ANGPT4: variants seen among roughly 807,000 people sequenced by gnomAD.
ANGPT4 encodes angiopoietin-4.
ANGPT4 carries 50 observed loss-of-function variants against 53.0 expected under a neutral mutation model. That is an observed-to-expected ratio of 0.94 (90% confidence interval 0.75 to 1.20). ANGPT4 has a LOEUF of 1.20. ANGPT4 is among the 50% of genes most tolerant of loss of function. ANGPT4 has a pLI of 0.00. For missense variants in ANGPT4, 648 were observed against 637.1 expected, an observed-to-expected ratio of 1.02 and a Z score of -0.18; for synonymous variants, 251 against 259.7, an observed-to-expected ratio of 0.97 and a Z score of 0.32.
chr20:907,348 A>T (rs1208612166), intron 1 of ANGPT4, among the ~76,000 whole-genome samples: 1 of 152,058 alleles, frequency 6.6e-6, no homozygotes, highest in Admixed American at 6.5e-5. Flanking sequence ...AGGGCTGCAG[A>T]GGGAGGGGAG....
intron 1 of ANGPT4, among the ~76,000 whole-genome samples, chr20:913,532 T>C (rs1054861641): frequency 1.3e-5 from 2 of 152,180 alleles, no homozygotes; most frequent in African/African-American, 2.4e-5. Context: ...GGTGAATGGA[T>C]GCCTGGAGAG....
At chr20:898,762 G>T (rs111454614) in intron 1 of ANGPT4, among the ~76,000 whole-genome samples, 1 of 152,156 alleles carries the variant, frequency 6.6e-6, no homozygotes, top group South Asian at 2.1e-4. Flanking sequence ...ACTTCAAAAC[G>T]CCTAAGCCGC....
At chr20:883,317 T>C (rs1010296761) in intron 4 of ANGPT4, among the ~76,000 whole-genome samples, 1 of 152,260 alleles carries the variant, frequency 6.6e-6, no homozygotes, top group Non-Finnish European at 1.5e-5. Flanking sequence ...TCGCTGCTTT[T>C]ATATCATGCA....
intron 7 of ANGPT4, among the ~76,000 whole-genome samples, chr20:875,012 G>A (rs991342213): frequency 1.1e-4 from 17 of 151,130 alleles, no homozygotes; most frequent in African/African-American, 3.9e-4. Context: ...GAGCCACCGT[G>A]CCCGGCAACG....
chr20:888,380 G>T lies in ANGPT4; in HGVS notation c.525C>A (p.Asn175Lys), dbSNP rs1199984923. 2 of 1,613,864 alleles carry T rather than the reference G, an allele frequency of 1.2e-6. No homozygotes were observed. The highest frequency in any genetic ancestry group is 2.7e-5 in the African/African-American group (2 of 75,050). The stretch of plus-strand genomic sequence containing the variant: ...GTAGCAGCAGCTGGTTCTCCAGCTT[G>T]TTGGTGGACAGAAAGGTCTCTGGCA... ...AQMPETFLSTNKLENQLLLQR... is the reference protein window; with the variant it reads ...AQMPETFLSTKKLENQLLLQR... Residue 175 changes from asparagine to lysine, a missense_variant, in exon 3 of 9, where the codon AAC becomes AAA. Asn to Lys is a moderately conservative substitution (Grantham distance 94, BLOSUM62 0). Coordinates refer to ENST00000381922, the MANE Select transcript of ANGPT4 (RefSeq NM_015985.4).
Position 885,381 on chromosome 20 carries a change from C to T in ANGPT4, c.588-56G>A, listed in dbSNP as rs1235137855. ...CTGGCATCCTCGCGAAGCACGCACC[C>T]CCGCGCGCCTCCCCGGCCCTGGAGT... On this transcript the variant is annotated intron_variant, in intron 3 of 8. Coordinates refer to ENST00000381922, the MANE Select transcript of ANGPT4 (RefSeq NM_015985.4). 2.7e-6 allele frequency: 4 copies of T among 1,461,200 alleles called. No individual in the cohort carries two copies. In the East Asian group the frequency reaches 7.4e-5, roughly 27 times the overall value. 90.5% of individuals were successfully genotyped at this position (1,461,200 alleles called of 1,614,324 possible).
intron 7 of ANGPT4, among the ~76,000 whole-genome samples, chr20:875,435 C>T (rs1426084627): frequency 6.6e-6 from 1 of 152,208 alleles, no homozygotes; most frequent in East Asian, 1.9e-4. Flanking sequence ...CTTTGCCAGG[C>T]TCTGTGGCCT....
intron 4 of ANGPT4, among the ~76,000 whole-genome samples, chr20:882,537 A>G (rs1235740840): frequency 2.6e-5 from 4 of 152,180 alleles, no homozygotes; most frequent in Non-Finnish European, 4.4e-5. Flanking sequence ...GAGATGACTA[A>G]GACCCCCAAA....
At chr20:884,989 G>A (rs965196898) in intron 4 of ANGPT4, 89 bp downstream of exon 4, 1 of 1,547,580 alleles carries the variant, frequency 6.5e-7, no homozygotes, top group Non-Finnish European at 8.7e-7. Context: ...TGGCTCCCAG[G>A]CGCCCAGAGA....
chr20:890,023 C>T (rs898888019), intron 2 of ANGPT4, among the ~76,000 whole-genome samples, 190 bp downstream of exon 2: 1 of 152,210 alleles, frequency 6.6e-6, no homozygotes, highest in African/African-American at 2.4e-5. Flanking sequence ...GCATCCACCC[C>T]CCAGGGCTCA....
chr20:872,790 GT>G lies in ANGPT4; in HGVS notation c.*169del, dbSNP rs68006621. ...CCCTCCATGTCACAGACGGAGGGGA[GT>G]TGGGGGGCAGATGACCCTTCTGGAC... On this transcript the variant is annotated 3_prime_UTR_variant, in exon 9 of 9. Coordinates refer to ENST00000381922, the MANE Select transcript of ANGPT4 (RefSeq NM_015985.4). 0.096 allele frequency: 70,929 copies of G among 741,878 alleles called. 4,622 individuals carry two copies. The highest frequency in any genetic ancestry group is 0.23 in the African/African-American group (13,133 of 56,758). 46.0% of individuals were successfully genotyped at this position (741,878 alleles called of 1,614,324 possible). A position where few individuals can be genotyped will look rare whatever the true frequency, so the allele number is the denominator to read the frequency against.
chr20:910,515 G>A (rs897351797), intron 1 of ANGPT4, among the ~76,000 whole-genome samples: 9 of 152,148 alleles, frequency 5.9e-5, no homozygotes, highest in African/African-American at 1.9e-4. Context: ...CCAACTCTCA[G>A]GGTTCATTCC....
chr20:916,067 G>T lies in ANGPT4; in HGVS notation c.148C>A (p.Pro50Thr). The T allele has an allele frequency of 6.2e-7, 1 of 1,614,186 alleles. No homozygotes were observed. Among genetic ancestry groups the T allele is most frequent in the Non-Finnish European group, 8.5e-7 (1 of 1,180,020 alleles). Residue 50 changes from proline to threonine, a missense_variant, in exon 1 of 9, where the codon CCC becomes ACC. Transcript: ENST00000381922. ...CCCGGAGGGCAGGGCTCAGACTTGGGCAGCAAGAAGGTGTAGCTACAGTGG... is the reference window on the plus strand; with the variant it reads ...CCCGGAGGGCAGGGCTCAGACTTGGTCAGCAAGAAGGTGTAGCTACAGTGG... ...HGHCSYTFLL[P>T]KSEPCPPGPE...
chr20:885,395 C>G, intron 3 of ANGPT4, 70 bp from the exon 4 acceptor site: 1 of 1,446,148 alleles, frequency 6.9e-7, no homozygotes, highest in Non-Finnish European at 9.1e-7. Flanking sequence ...CGCGCCTCCC[C>G]GGCCCTGGAG....
chr20:903,089 C>G (rs1420303569), intron 1 of ANGPT4, among the ~76,000 whole-genome samples: 1 of 152,110 alleles, frequency 6.6e-6, no homozygotes, highest in Non-Finnish European at 1.5e-5. Flanking sequence ...TGGTGCTTCC[C>G]TCACCCAGGG....
rs1190534786 is a variant in ANGPT4, at chr20:914,380, T to TG, written c.309+1525dup. ...GATGGCGCTGGAGAGGATAGGAGGCTGGGGTAAGCAAAGTGGGAGTCTGGG... is the reference window on the plus strand; with the variant it reads ...GATGGCGCTGGAGAGGATAGGAGGCTGGGGGTAAGCAAAGTGGGAGTCTGGG... On this transcript the variant is annotated intron_variant, in intron 1 of 8. Transcript: ENST00000381922. The surrounding 1 kb of genome is among the most constrained non-coding windows in gnomAD (Gnocchi z 5.0). 6.6e-6 allele frequency among the ~76,000 whole-genome samples: 1 copy of TG among 151,952 alleles called. No homozygotes were observed. The highest frequency in any genetic ancestry group is 6.5e-5 in the Admixed American group (1 of 15,270).
Position 916,215 on chromosome 20 carries a change from C to G in ANGPT4, c.-1G>C, listed in dbSNP as rs1451281817. On this transcript the variant is annotated 5_prime_UTR_variant, in exon 1 of 9. Coordinates refer to ENST00000381922, the MANE Select transcript of ANGPT4 (RefSeq NM_015985.4). ...GCAGCATGGCTAGCTGGGAGAGCAT[C>G]TGAAGATGTGTCAATGGCGAGGGAT... is the stretch of plus-strand genomic sequence containing the variant. 3.7e-6 allele frequency: 6 copies of G among 1,611,198 alleles called. No homozygotes were observed. The highest frequency in any genetic ancestry group is 5.1e-6 in the Non-Finnish European group (6 of 1,178,054).
chr20:901,100 C>G (rs1023945313), intron 1 of ANGPT4, among the ~76,000 whole-genome samples: 2 of 152,200 alleles, frequency 1.3e-5, no homozygotes, highest in African/African-American at 4.8e-5. Context: ...AGAAACATCA[C>G]CCATTATCTC....
At chr20:915,142 C>A (rs1053352538) in intron 1 of ANGPT4, among the ~76,000 whole-genome samples, 1 of 152,076 alleles carries the variant, frequency 6.6e-6, no homozygotes, top group African/African-American at 2.4e-5. Flanking sequence ...CTGTTGAAAT[C>A]GAATCACGGG....
Sources: allele counts gnomAD v4.1 joint callset (sites outside exome capture counted in the v4.1 genomes callset), GRCh38; gene constraint gnomAD v4.1.1; non-coding constraint Gnocchi (gnomAD v3.1); transcripts MANE v1.5; gene names NCBI Gene and HGNC (gene_info 2026-07-23, HGNC 2026-07-21).